The following AGAP1 variants were observed in gnomAD, a reference collection of about 807,000 sequenced individuals.
The protein encoded by AGAP1 is arf-GAP with GTPase, ANK repeat and PH domain-containing protein 1.
AGAP1 carries 29 observed loss-of-function variants against 105.3 expected under a neutral mutation model. That is an observed-to-expected ratio of 0.28 (90% CI 0.21 to 0.38). The LOEUF is 0.38. Among genes scored for constraint, AGAP1 ranks in the 10% least tolerant of loss-of-function variants. AGAP1 has a pLI of 1.00. For synonymous variants in AGAP1, 509 were observed against 485.9 expected (o/e 1.05, Z -0.63); for missense variants, 998 against 1,165.1 (o/e 0.86, Z 2.09).
intron 13 of AGAP1, among the ~76,000 whole-genome samples, chr2:235,985,402 C>G (rs1418183267): frequency 6.6e-6 from 1 of 152,154 alleles, no homozygotes; most frequent in Non-Finnish European, 1.5e-5. Flanking sequence ...TGTAGGTTGC[C>G]TGTTCACTCT....
intron 1 of AGAP1, among the ~76,000 whole-genome samples, chr2:235,592,767 G>A (rs1468416228): frequency 2.0e-5 from 3 of 152,158 alleles, no homozygotes; most frequent in South Asian, 2.1e-4. Flanking sequence ...GCTTGGGGAC[G>A]TGATGGCTAA....
Position 235,700,437 on chromosome 2 carries a change from G to A in AGAP1, c.164-8742G>A, listed in dbSNP as rs1055738296. On this transcript the variant is annotated intron_variant, in intron 1 of 17. Coordinates refer to ENST00000304032, the MANE Select transcript of AGAP1 (RefSeq NM_001037131.3). This position sits in a 1 kb window ranked among gnomAD's most constrained non-coding sequence, Gnocchi z 6.1. ...TGCTTTACACACCCACGACAAGGGC[G>A]TTCTTGGGGAACACCGTGATTCTGG... is the stretch of plus-strand genomic sequence containing the variant. Among the ~76,000 whole-genome samples the A allele has an allele frequency of 2.6e-5, 4 of 152,156 alleles. No individual in the cohort carries two copies. The highest frequency in any genetic ancestry group is 6.5e-5 in the Admixed American group (1 of 15,272).
intron 1 of AGAP1, among the ~76,000 whole-genome samples, chr2:235,561,212 T>C (rs946174183): frequency 6.6e-6 from 1 of 152,198 alleles, no homozygotes; most frequent in Non-Finnish European, 1.5e-5. Flanking sequence ...TTCAGTGAAT[T>C]GTCCACAGAC....
In AGAP1 at chr2:236,123,005, G is replaced by T. The variant is rs1016812305; in HGVS notation, c.2371-914G>T. On this transcript the variant is annotated intron_variant, in intron 17 of 17. Transcript: ENST00000304032. This position sits in a 1 kb window ranked among gnomAD's most constrained non-coding sequence, Gnocchi z 4.6. ...GCTCCAGTGACAATTTTTACAAAGT[G>T]TGCACAGTTGAGGGGAGAGTTCTGA... Among the ~76,000 whole-genome samples, 7 of 152,206 alleles carry T rather than the reference G, an allele frequency of 4.6e-5. No homozygotes were observed. The highest frequency in any genetic ancestry group is 1.4e-4 in the African/African-American group (6 of 41,530).
At chr2:235,768,044 C>T (rs1330302724) in intron 6 of AGAP1, among the ~76,000 whole-genome samples, 1 of 152,132 alleles carries the variant, frequency 6.6e-6, no homozygotes, top group African/African-American at 2.4e-5. Context: ...GCCTCTGCCT[C>T]CCACCGTGCT....
chr2:235,812,043 G>A (rs1210549082), intron 9 of AGAP1, among the ~76,000 whole-genome samples: 1 of 152,196 alleles, frequency 6.6e-6, no homozygotes, highest in Admixed American at 6.5e-5. Context: ...CCTCTGCGAT[G>A]CCCGCCAAGG....
intron 1 of AGAP1, among the ~76,000 whole-genome samples, chr2:235,604,362 G>A (rs1945843794): frequency 1.3e-5 from 2 of 151,648 alleles, no homozygotes; most frequent in South Asian, 4.2e-4. Context: ...TGCACCTGTA[G>A]TGCCAGCTAC....
rs1244758661 is a variant in AGAP1 at position 235,503,301 on chromosome 2, C to T, written c.163+8452C>T. On this transcript the variant is annotated intron_variant, in intron 1 of 17. Coordinates refer to ENST00000304032, the MANE Select transcript of AGAP1 (RefSeq NM_001037131.3). ...GCATATTTTCCAGGGAGGGCGTTTCCGGAAGCCTGTCTGCACCCCCTTTGT... is the reference window on the plus strand; with the variant it reads ...GCATATTTTCCAGGGAGGGCGTTTCTGGAAGCCTGTCTGCACCCCCTTTGT... 3.3e-5 allele frequency among the ~76,000 whole-genome samples: 5 copies of T among 152,284 alleles called. No homozygotes were observed. In the South Asian group the frequency reaches 1.0e-3, roughly 32 times the overall value.
In AGAP1 at chr2:235,905,083, T is replaced by C. The variant is rs950722878; in HGVS notation, c.1156-3655T>C. On this transcript the variant is annotated intron_variant, in intron 10 of 17. Transcript: ENST00000304032. The surrounding 1 kb of genome is among the most constrained non-coding windows in gnomAD (Gnocchi z 4.2). ...AAGATAAATGGGTTCCCTTGCCGCT[T>C]TCGAATCTGGAGAGCAGACACTTGG... Among the ~76,000 whole-genome samples the C allele has an allele frequency of 1.3e-5, 2 of 152,200 alleles. No homozygotes were observed. Among genetic ancestry groups the C allele is most frequent in the Non-Finnish European group, 2.9e-5 (2 of 68,044 alleles).
At position 235,646,226 on chromosome 2, in the gene AGAP1, C is replaced by T. The variant is rs59700433; in HGVS notation, c.164-62953C>T. ...GGAGGCGGAGGTTGCAGTGAGATTG[C>T]GCCATTGCACTCCAGCCTGGGCAAC... On this transcript the variant is annotated intron_variant, in intron 1 of 17. Coordinates refer to ENST00000304032, the MANE Select transcript of AGAP1 (RefSeq NM_001037131.3). Among the ~76,000 whole-genome samples the T allele has an allele frequency of 3.0e-3, 440 of 148,058 alleles. 3 individuals carry two copies. Among genetic ancestry groups the T allele is most frequent in the African/African-American group, 0.01 (399 of 39,812 alleles).
chr2:235,501,361 A>G (rs1941554134), intron 1 of AGAP1, among the ~76,000 whole-genome samples: 1 of 152,110 alleles, frequency 6.6e-6, no homozygotes, highest in Admixed American at 6.6e-5. Context: ...GTATATTTAG[A>G]TTGGGTTCTT....
intron 1 of AGAP1, among the ~76,000 whole-genome samples, chr2:235,541,820 T>C (rs1300384637): frequency 1.3e-5 from 2 of 152,246 alleles, no homozygotes; most frequent in Non-Finnish European, 2.9e-5. Flanking sequence ...AGATGTAATT[T>C]ACCTGTATGT....
At chr2:235,588,644 G>T (rs753372258) in intron 1 of AGAP1, among the ~76,000 whole-genome samples, 4 of 152,004 alleles carry the variant, frequency 2.6e-5, no homozygotes, top group Non-Finnish European at 5.9e-5. Flanking sequence ...ATTCCTTTTT[G>T]GAAAAATTTC....
chr2:235,637,299 A>G (rs898929012), intron 1 of AGAP1, among the ~76,000 whole-genome samples: 1 of 151,906 alleles, frequency 6.6e-6, no homozygotes. Flanking sequence ...ACAGAGCCTT[A>G]CTCTGTCACC....
In AGAP1 at chr2:235,752,997, C is replaced by T. The variant is rs1575333397; in HGVS notation, c.673+2509C>T. Among the ~76,000 whole-genome samples the T allele has an allele frequency of 6.6e-6, 1 of 152,176 alleles. No homozygotes were observed. The highest frequency in any genetic ancestry group is 1.5e-5 in the Non-Finnish European group (1 of 68,040). On this transcript the variant is annotated intron_variant, in intron 6 of 17. Coordinates refer to ENST00000304032, the MANE Select transcript of AGAP1 (RefSeq NM_001037131.3). The surrounding 1 kb of genome is among the most constrained non-coding windows in gnomAD (Gnocchi z 4.3). ...TGTTTGCATAGTGGAGAACAGAGGA[C>T]ACAAGCCCTCGCCAGTCCCTTCCCA...
rs1487316705 is a variant in AGAP1, at chr2:235,734,773, C to T, written c.311-6190C>T. Among the ~76,000 whole-genome samples the T allele has an allele frequency of 2.0e-5, 3 of 152,172 alleles. No individual in the cohort carries two copies. The highest frequency in any genetic ancestry group is 2.1e-4 in the South Asian group (1 of 4,830). ...AAAACGCAGCAAACACGGAGGCTGCCGGCTTTGTTTCTGTAGGGCTTGTCT... is the reference window on the plus strand; with the variant it reads ...AAAACGCAGCAAACACGGAGGCTGCTGGCTTTGTTTCTGTAGGGCTTGTCT... On this transcript the variant is annotated intron_variant, in intron 3 of 17. Transcript: ENST00000304032. This position sits in a 1 kb window ranked among gnomAD's most constrained non-coding sequence, Gnocchi z 5.3.
At chr2:236,064,103 A>G (rs1234760125) in intron 16 of AGAP1, among the ~76,000 whole-genome samples, 2 of 152,216 alleles carry the variant, frequency 1.3e-5, no homozygotes, top group Non-Finnish European at 2.9e-5. Flanking sequence ...AAATCAGAGA[A>G]GATGACACCC....
In AGAP1 at chr2:235,830,798, G is replaced by T. The variant is rs78542546; in HGVS notation, c.1050+23467G>T. ...TTTTTAAGTGATTTTACTTCTATTG[G>T]ATGCTGTTGATAGCCTCATTCTTCT... is the stretch of plus-strand genomic sequence containing the variant. On this transcript the variant is annotated intron_variant, in intron 9 of 17. Transcript: ENST00000304032. This position sits in a 1 kb window ranked among gnomAD's most constrained non-coding sequence, Gnocchi z 5.5. Among the ~76,000 whole-genome samples the T allele has an allele frequency of 0.018, 2,781 of 152,230 alleles. 97 individuals carry two copies. The highest frequency in any genetic ancestry group is 0.064 in the African/African-American group (2,678 of 41,528).
rs561024298 is a variant in AGAP1, at chr2:236,116,961, T to C, written c.2115-3231T>C. ...CTTTTTATGGCTGTGTTGTATTCCGTCGTATATGTATATACACCACAGTTT... is the reference window on the plus strand; with the variant it reads ...CTTTTTATGGCTGTGTTGTATTCCGCCGTATATGTATATACACCACAGTTT... On this transcript the variant is annotated intron_variant, in intron 16 of 17. Coordinates refer to ENST00000304032, the MANE Select transcript of AGAP1 (RefSeq NM_001037131.3). Among the ~76,000 whole-genome samples, 8 of 152,336 alleles carry C rather than the reference T, an allele frequency of 5.3e-5. No individual in the cohort carries two copies. In the South Asian group the frequency reaches 1.7e-3, roughly 32 times the overall value.
Sources: gnomAD v4.1 joint callset for allele counts (sites outside exome capture counted in the v4.1 genomes callset) on GRCh38, gnomAD v4.1.1 for gene constraint, Gnocchi (gnomAD v3.1) non-coding constraint, MANE v1.5 for transcripts, NCBI Gene and HGNC (gene_info 2026-07-23, HGNC 2026-07-21) for gene names.